The following GRIK2 variants were observed in gnomAD, a reference collection of about 807,000 sequenced individuals.
The protein encoded by GRIK2 is glutamate ionotropic receptor kainate type subunit 2, also known as glutamate receptor ionotropic, kainate 2.
GRIK2 carries 32 observed loss-of-function variants against 100.3 expected under a neutral mutation model. The observed-to-expected ratio is 0.32, with a 90% CI of 0.24 to 0.43. GRIK2 has a LOEUF of 0.43. Among genes scored for constraint, GRIK2 ranks in the 20% least tolerant of loss-of-function variants. The pLI is 1.00. For synonymous variants in GRIK2, 417 were observed against 389.4 expected, an observed-to-expected ratio of 1.07 and a Z score of -0.83; for missense variants, 843 against 1,114.9, an observed-to-expected ratio of 0.76 and a Z score of 3.47.
chr6:101,644,200 G>A (rs940007158), intron 4 of GRIK2, among the ~76,000 whole-genome samples: 13 of 151,938 alleles, frequency 8.6e-5, no homozygotes, highest in African/African-American at 2.9e-4. Flanking sequence ...TGCTAAAAGA[G>A]AGTTATATAA....
intron 14 of GRIK2, among the ~76,000 whole-genome samples, chr6:101,990,932 T>A (rs901246152): frequency 1.3e-5 from 2 of 151,946 alleles, no homozygotes; most frequent in Non-Finnish European, 2.9e-5. Context: ...GCATACTAAA[T>A]GCCTTATTAC....
intron 16 of GRIK2, among the ~76,000 whole-genome samples, chr6:102,065,195 G>T (rs1771956474): frequency 6.6e-6 from 1 of 151,078 alleles, no homozygotes; most frequent in South Asian, 2.1e-4. Context: ...CGACAATGGT[G>T]ATTTACATGT....
At chr6:101,966,483 A>C (rs6921259) in intron 14 of GRIK2, among the ~76,000 whole-genome samples, 6,144 of 152,226 alleles carry the variant, frequency 0.04, 237 homozygotes, top group African/African-American at 0.093. Context: ...TAAGCATATT[A>C]CTAAATCCAC....
intron 4 of GRIK2, among the ~76,000 whole-genome samples, chr6:101,670,681 T>A: frequency 6.6e-6 from 1 of 152,194 alleles, no homozygotes; most frequent in East Asian, 1.9e-4. Flanking sequence ...TAATGTTTTT[T>A]AATTCTAATG....
At chr6:101,688,755 TTCCTTTGGTA>T (rs965139532) in intron 7 of GRIK2, among the ~76,000 whole-genome samples, 5 of 152,014 alleles carry the variant, frequency 3.3e-5, no homozygotes, top group African/African-American at 1.2e-4. Flanking sequence ...GCAATTCTCT[TTCCTTTGGTA>T]TAGTTCTTAA....
intron 2 of GRIK2, among the ~76,000 whole-genome samples, chr6:101,442,704 T>G (rs1450730152): frequency 1.3e-5 from 2 of 152,130 alleles, no homozygotes; most frequent in Admixed American, 1.3e-4. Flanking sequence ...ATGATTTCTG[T>G]AGCAACTACT....
At chr6:101,800,381 C>A (rs943239076) in intron 8 of GRIK2, among the ~76,000 whole-genome samples, 1 of 151,734 alleles carries the variant, frequency 6.6e-6, no homozygotes, top group Non-Finnish European at 1.5e-5. Context: ...TACATACATA[C>A]ATATATACAT....
intron 14 of GRIK2, among the ~76,000 whole-genome samples, chr6:101,972,217 C>T (rs763345767): frequency 5.3e-5 from 8 of 151,918 alleles, no homozygotes; most frequent in African/African-American, 1.4e-4. Flanking sequence ...TACATTCTCA[C>T]GAACAGTGTA....
chr6:101,897,359 GT>G (rs1050005166), intron 12 of GRIK2, among the ~76,000 whole-genome samples: 24 of 151,338 alleles, frequency 1.6e-4, no homozygotes, highest in Admixed American at 1.2e-3. Flanking sequence ...ATGTTTTGTT[GT>G]TTCTAGATAG....
At chr6:101,467,378 C>T (rs1771701106) in intron 2 of GRIK2, among the ~76,000 whole-genome samples, 1 of 152,064 alleles carries the variant, frequency 6.6e-6, no homozygotes, top group South Asian at 2.1e-4. Context: ...GCTAAAGTAA[C>T]ATAGATAAGC....
At chr6:101,984,958 T>C (rs1793937856) in intron 14 of GRIK2, among the ~76,000 whole-genome samples, 1 of 151,816 alleles carries the variant, frequency 6.6e-6, no homozygotes, top group Middle Eastern at 3.4e-3. Context: ...GATCTGCTCC[T>C]TCTTCACATC....
At chr6:101,658,412 C>T (rs544451222) in intron 4 of GRIK2, among the ~76,000 whole-genome samples, 4 of 152,248 alleles carry the variant, frequency 2.6e-5, no homozygotes, top group South Asian at 4.1e-4. Context: ...CATAGTATTC[C>T]GTAGTGTGTA....
intron 7 of GRIK2, 109 bp downstream of exon 7, chr6:101,686,462 C>A (rs971455726): frequency 1.2e-5 from 9 of 728,574 alleles, no homozygotes; most frequent in Non-Finnish European, 2.0e-5. Context: ...AATTGTTTGA[C>A]ATTAAAAGCA....
intron 2 of GRIK2, among the ~76,000 whole-genome samples, chr6:101,491,602 T>C (rs1773115391): frequency 6.6e-6 from 1 of 152,056 alleles, no homozygotes; most frequent in Admixed American, 6.6e-5. Flanking sequence ...TTTATATTTG[T>C]CTCCCGTCTC....
At chr6:101,770,074 T>C (rs1310956963) in intron 7 of GRIK2, among the ~76,000 whole-genome samples, 1 of 152,212 alleles carries the variant, frequency 6.6e-6, no homozygotes, top group East Asian at 1.9e-4. Flanking sequence ...CTCTTTACAG[T>C]GTTCTCTGGT....
intron 15 of GRIK2, among the ~76,000 whole-genome samples, chr6:102,045,935 A>AATT (rs1770864567): frequency 1.3e-5 from 2 of 152,088 alleles, no homozygotes; most frequent in Non-Finnish European, 2.9e-5. Flanking sequence ...AAAAAGATCA[A>AATT]ATTACATGTT....
At chr6:101,853,756 G>C (rs9377314) in intron 10 of GRIK2, among the ~76,000 whole-genome samples, 16,858 of 151,920 alleles carry the variant, frequency 0.11, 1,983 homozygotes, top group East Asian at 0.66. Flanking sequence ...TTATTCAGCA[G>C]AAAACAGAAA....
At chr6:101,748,303 T>G (rs969577393) in intron 7 of GRIK2, among the ~76,000 whole-genome samples, 1 of 152,148 alleles carries the variant, frequency 6.6e-6, no homozygotes, top group Non-Finnish European at 1.5e-5. Flanking sequence ...ATAATTCCTT[T>G]CATCAATTTA....
intron 7 of GRIK2, among the ~76,000 whole-genome samples, chr6:101,735,620 G>T (rs1028173509): frequency 1.3e-5 from 2 of 151,838 alleles, no homozygotes; most frequent in African/African-American, 4.8e-5. Flanking sequence ...TCACTATCAT[G>T]AAAACAATAT....
Sources: allele counts gnomAD v4.1 joint callset (sites outside exome capture counted in the v4.1 genomes callset), GRCh38; gene constraint gnomAD v4.1.1; transcripts MANE v1.5; gene names NCBI Gene and HGNC (gene_info 2026-07-23, HGNC 2026-07-21).